ARF3: variants seen among roughly 807,000 people sequenced by gnomAD.
ARF3 encodes ADP-ribosylation factor 3.
A neutral mutation model predicts 19.3 loss-of-function variants in ARF3; 5 were observed. That is an observed-to-expected ratio of 0.26 (90% CI 0.14 to 0.54). The LOEUF is 0.54. Ranked by LOEUF, ARF3 falls within the 20% of genes least tolerant of loss-of-function variation. The pLI, the probability that ARF3 is intolerant of heterozygous loss-of-function variation, is 0.95. For synonymous variants in ARF3, 71 were observed against 89.2 expected, an observed-to-expected ratio of 0.80 and a Z score of 1.15; for missense variants, 77 against 234.2, an observed-to-expected ratio of 0.33 and a Z score of 4.38.
At chr12:48,943,783 C>T (rs563477100) in intron 1 of ARF3, among the ~76,000 whole-genome samples, 1 of 152,274 alleles carries the variant, frequency 6.6e-6, no homozygotes, top group South Asian at 2.1e-4. Flanking sequence ...ATGAGCCAGG[C>T]GTGGCACTCT....
At position 48,936,912 on chromosome 12, in the gene ARF3, A is replaced by G. The variant is rs1187272369; in HGVS notation, c.*2035T>C. On this transcript the variant is annotated 3_prime_UTR_variant, in exon 5 of 5. Coordinates refer to ENST00000256682, the MANE Select transcript of ARF3 (RefSeq NM_001659.3). ...AGACAAAATAAATCTGAGGAAACAG[A>G]GCAAATAAAAAGTATGGAGGGAAGC... 1.3e-5 allele frequency: 2 copies of G among 152,242 alleles called. No homozygotes were observed. The highest frequency in any genetic ancestry group is 2.4e-5 in the African/African-American group (1 of 41,438). 9.4% of individuals were successfully genotyped at this position (152,242 alleles called of 1,614,324 possible). A position where few individuals can be genotyped will look rare whatever the true frequency, so the allele number is the denominator to read the frequency against.
At chr12:48,945,616 C>G (rs1441086002) in intron 1 of ARF3, among the ~76,000 whole-genome samples, 2 of 151,650 alleles carry the variant, frequency 1.3e-5, no homozygotes, top group African/African-American at 4.8e-5. Context: ...CCAGCTACTC[C>G]AGAGGCTCAG....
intron 1 of ARF3, among the ~76,000 whole-genome samples, chr12:48,949,287 G>A (rs554748469): frequency 6.6e-6 from 1 of 152,220 alleles, no homozygotes; most frequent in Non-Finnish European, 1.5e-5. Context: ...GTGCAGTGGC[G>A]CGATCTCGGC....
rs1940163817 is a variant in ARF3 at position 48,937,365 on chromosome 12, GCC to G, written c.*1580_*1581del. Reference sequence around the variant, plus strand: ...CAGGGCGCAGCCAGCACACACAGGAGCCCACAGGACAGCCACGTCTTCACAGA... The same window carrying G: ...CAGGGCGCAGCCAGCACACACAGGAGCACAGGACAGCCACGTCTTCACAGA... On this transcript the variant is annotated 3_prime_UTR_variant, in exon 5 of 5. Coordinates refer to ENST00000256682, the MANE Select transcript of ARF3 (RefSeq NM_001659.3). 6.6e-6 allele frequency: 1 copy of G among 152,514 alleles called. No individual in the cohort carries two copies. The highest frequency in any genetic ancestry group is 6.5e-5 in the Admixed American group (1 of 15,294). The allele number at this position is 152,514 out of a possible 1,614,324, so 9.4% of individuals were successfully genotyped here.
chr12:48,951,928 G>C (rs920309405), intron 1 of ARF3, among the ~76,000 whole-genome samples: 1 of 151,772 alleles, frequency 6.6e-6, no homozygotes, highest in African/African-American at 2.4e-5. Flanking sequence ...AAAATAGCGG[G>C]CAGAAAAGCA....
At chr12:48,940,712 G>A (rs925847615) in intron 2 of ARF3, among the ~76,000 whole-genome samples, 3 of 152,204 alleles carry the variant, frequency 2.0e-5, no homozygotes, top group African/African-American at 7.2e-5. Flanking sequence ...CCGTGCCTGA[G>A]GGCAGCTGTT....
At chr12:48,946,606 T>A (rs1395206322) in intron 1 of ARF3, among the ~76,000 whole-genome samples, 1 of 152,226 alleles carries the variant, frequency 6.6e-6, no homozygotes, top group Non-Finnish European at 1.5e-5. Flanking sequence ...GGAACCCAAA[T>A]ATGTGCTCTA....
intron 1 of ARF3, among the ~76,000 whole-genome samples, chr12:48,943,227 A>C (rs989772500): frequency 5.3e-5 from 8 of 152,234 alleles, no homozygotes; most frequent in African/African-American, 1.9e-4. Flanking sequence ...TTGCCCCAAC[A>C]GACAGAATCA....
At chr12:48,945,474 T>C (rs542731710) in intron 1 of ARF3, among the ~76,000 whole-genome samples, 8 of 152,048 alleles carry the variant, frequency 5.3e-5, no homozygotes, top group African/African-American at 1.7e-4. Context: ...GGCAGGAGAA[T>C]TGCTGGAACC....
intron 1 of ARF3, chr12:48,956,939 C>T (rs2137602379): frequency 6.5e-6 from 1 of 152,700 alleles, no homozygotes; most frequent in South Asian, 2.1e-4. Flanking sequence ...ATTCCCTAGC[C>T]CTTTAACAGA....
Position 48,939,000 on chromosome 12 carries a change from C to T in ARF3, c.493G>A (p.Gly165Arg). ...IQATCATSGD[G>R]LYEGLDWLAN... ...AGCCAGTCCAGGCCTTCGTACAGCCCGTCCCCGCTGGTGGCACAGGTGGCC... is the reference window on the plus strand; with the variant it reads ...AGCCAGTCCAGGCCTTCGTACAGCCTGTCCCCGCTGGTGGCACAGGTGGCC... The change falls in exon 5 of 5, where the codon GGG (glycine) becomes AGG (arginine). Residue 165 changes from glycine to arginine, a missense_variant. Gly to Arg is a moderately radical substitution (Grantham distance 125). Transcript: ENST00000256682. 1 of 1,613,266 alleles carries T rather than the reference C, an allele frequency of 6.2e-7. No homozygotes were observed. Among genetic ancestry groups the T allele is most frequent in the Non-Finnish European group, 8.5e-7 (1 of 1,180,024 alleles).
chr12:48,941,944 C>T (rs1940265793), intron 1 of ARF3, among the ~76,000 whole-genome samples: 1 of 152,162 alleles, frequency 6.6e-6, no homozygotes, highest in South Asian at 2.1e-4. Context: ...GGGGGCTGTC[C>T]CACATGGTCG....
rs946698122 is a variant in ARF3, at chr12:48,935,958, C to T, written c.*2989G>A. ...CTTTAGAACTAGAGGAGGAAAGTCA[C>T]GAAGCCCTCACACTCTGATGCCCAA... On this transcript the variant is annotated 3_prime_UTR_variant, in exon 5 of 5. Transcript: ENST00000256682. The T allele has an allele frequency of 6.6e-6, 1 of 152,240 alleles. No individual in the cohort carries two copies. The highest frequency in any genetic ancestry group is 1.5e-5 in the Non-Finnish European group (1 of 68,068). The allele number at this position is 152,240 out of a possible 1,614,324, so 9.4% of individuals were successfully genotyped here.
rs1225944128 is a variant in ARF3 at position 48,938,337 on chromosome 12, C to T, written c.*610G>A. On this transcript the variant is annotated 3_prime_UTR_variant, in exon 5 of 5. Transcript: ENST00000256682. ...TTGACTAATGCCCTCCCACCTTCTT[C>T]CCTTAATCTCACCAACACGGAAGGG... 1 of 453,782 alleles carries T rather than the reference C, an allele frequency of 2.2e-6. No homozygotes were observed. The highest frequency in any genetic ancestry group is 7.0e-5 in the East Asian group (1 of 14,366). 28.1% of individuals were successfully genotyped at this position (453,782 alleles called of 1,614,324 possible).
intron 1 of ARF3, among the ~76,000 whole-genome samples, chr12:48,951,698 G>A (rs1940475232): frequency 6.6e-6 from 1 of 152,066 alleles, no homozygotes; most frequent in African/African-American, 2.4e-5. Context: ...TAACCAACAT[G>A]GAGAAACCCT....
chr12:48,941,012 T>A lies in ARF3; in HGVS notation c.84A>T (p.Ala28=). The change falls in exon 2 of 5, where the codon GCA becomes GCT. Residue 28 remains alanine, a synonymous_variant. Coordinates refer to ENST00000256682, the MANE Select transcript of ARF3 (RefSeq NM_001659.3). ...GCTTGTATAGGATGGTGGTCTTTCC[T>A]GCGGCATCCAGGCCCACCATCAGGA... ...MRILMVGLDA[A]GKTTILYKLK... 1 of 1,613,852 alleles carries A rather than the reference T, an allele frequency of 6.2e-7. No homozygotes were observed. Among genetic ancestry groups the A allele is most frequent in the Non-Finnish European group, 8.5e-7 (1 of 1,179,914 alleles).
rs1359689936 is a variant in ARF3, at chr12:48,939,203, C to T, written c.385-95G>A. ...CCAAAGAAATGTGTACCAGCACCTT[C>T]CCCTCCTCCTTTATTTTAGGAAACC... On this transcript the variant is annotated intron_variant, in intron 4 of 4. Coordinates refer to ENST00000256682, the MANE Select transcript of ARF3 (RefSeq NM_001659.3). This position sits in a 1 kb window ranked among gnomAD's most constrained non-coding sequence, Gnocchi z 4.8. The T allele has an allele frequency of 7.4e-7, 1 of 1,354,824 alleles. No homozygotes were observed. The highest frequency in any genetic ancestry group is 1.0e-6 in the Non-Finnish European group (1 of 996,472). 83.9% of individuals were successfully genotyped at this position (1,354,824 alleles called of 1,614,324 possible). A position where few individuals can be genotyped will look rare whatever the true frequency, so the allele number is the denominator to read the frequency against.
intron 1 of ARF3, among the ~76,000 whole-genome samples, chr12:48,951,198 T>C (rs1940462253): frequency 6.6e-6 from 1 of 152,174 alleles, no homozygotes; most frequent in South Asian, 2.1e-4. Flanking sequence ...CTGATATATC[T>C]AGGGATAGTG....
At chr12:48,941,259 A>G (rs1380647129) in intron 1 of ARF3, 71 bp from the exon 2 acceptor site, 1 of 824,852 alleles carries the variant, frequency 1.2e-6, no homozygotes. Flanking sequence ...GAATTTCCCA[A>G]GGTCATGGCT....
Sources: allele counts gnomAD v4.1 joint callset (sites outside exome capture counted in the v4.1 genomes callset), GRCh38; gene constraint gnomAD v4.1.1; non-coding constraint Gnocchi (gnomAD v3.1); transcripts MANE v1.5; gene names NCBI Gene and HGNC (gene_info 2026-07-23, HGNC 2026-07-21).